ARHGEF3: variants seen among roughly 807,000 people sequenced by gnomAD.
The protein encoded by ARHGEF3 is 59.8 kDA protein.
ARHGEF3 carries 28 observed loss-of-function variants against 63.2 expected under a neutral mutation model. The observed-to-expected ratio is 0.44, with a 90% CI of 0.33 to 0.61. The LOEUF (loss-of-function observed/expected upper bound fraction) is 0.61. Among genes scored for constraint, ARHGEF3 ranks in the 20% least tolerant of loss-of-function variants. The pLI, the probability that ARHGEF3 is intolerant of heterozygous loss-of-function variation, is 0.03. For missense variants in ARHGEF3, 533 were observed against 659.3 expected, an observed-to-expected ratio of 0.81 and a Z score of 2.10; for synonymous variants, 266 against 254.2, an observed-to-expected ratio of 1.05 and a Z score of -0.44.
intron 1 of ARHGEF3, among the ~76,000 whole-genome samples, chr3:56,801,228 A>T (rs2107967348): frequency 6.6e-6 from 1 of 152,370 alleles, no homozygotes; most frequent in Non-Finnish European, 1.5e-5. Context: ...CTGCAAGGCC[A>T]AGTCTGACAG....
intron 1 of ARHGEF3, among the ~76,000 whole-genome samples, chr3:57,069,833 T>TA (rs1705786669): frequency 6.6e-6 from 1 of 152,130 alleles, no homozygotes; most frequent in African/African-American, 2.4e-5. Flanking sequence ...TTTATAGAAA[T>TA]AGAGTCTCGC....
chr3:57,070,059 C>T (rs1195793878), intron 1 of ARHGEF3, among the ~76,000 whole-genome samples: 3 of 152,226 alleles, frequency 2.0e-5, no homozygotes, highest in Non-Finnish European at 4.4e-5. Flanking sequence ...CAGCAGAACT[C>T]TTTCCTCAAA....
At chr3:57,074,267 A>C (rs930981742) in intron 1 of ARHGEF3, 6 of 1,605,188 alleles carry the variant, frequency 3.7e-6, no homozygotes, top group Non-Finnish European at 5.1e-6. Flanking sequence ...CACATCTGTA[A>C]TCAATAATAA....
intron 2 of ARHGEF3, among the ~76,000 whole-genome samples, chr3:57,012,405 C>A (rs1314155407): frequency 6.6e-6 from 1 of 152,072 alleles, no homozygotes; most frequent in Non-Finnish European, 1.5e-5. Flanking sequence ...ATTACTGGTG[C>A]CCGCCATGAC....
At chr3:56,788,270 T>C (rs1467752372) in intron 1 of ARHGEF3, among the ~76,000 whole-genome samples, 1 of 152,112 alleles carries the variant, frequency 6.6e-6, no homozygotes, top group African/African-American at 2.4e-5. Context: ...TCCCCCTCCA[T>C]AGTCTGCCAA....
At chr3:56,896,126 G>A (rs1038874673) in intron 3 of ARHGEF3, among the ~76,000 whole-genome samples, 2 of 152,130 alleles carry the variant, frequency 1.3e-5, no homozygotes, top group Non-Finnish European at 2.9e-5. Flanking sequence ...AGGGCAGAGT[G>A]TGCAGTTTAT....
chr3:56,944,934 T>C (rs34600743), intron 3 of ARHGEF3, among the ~76,000 whole-genome samples: 15,661 of 152,168 alleles, frequency 0.1, 1,107 homozygotes, highest in Non-Finnish European at 0.15. Context: ...GTGAACATTC[T>C]TGAAATGATA....
chr3:56,940,487 A>G (rs1237352709), intron 3 of ARHGEF3: 1 of 152,214 alleles, frequency 6.6e-6, no homozygotes, highest in East Asian at 1.9e-4. Flanking sequence ...ATGGCCAGAA[A>G]AAGAAACGGC....
chr3:57,040,015 C>A (rs1278935393), intron 1 of ARHGEF3, among the ~76,000 whole-genome samples: 1 of 152,112 alleles, frequency 6.6e-6, no homozygotes, highest in African/African-American at 2.4e-5. Flanking sequence ...TGGAAGCTAC[C>A]CAAATGCTTA....
chr3:57,051,925 T>C (rs1242583385), intron 1 of ARHGEF3, among the ~76,000 whole-genome samples: 1 of 151,980 alleles, frequency 6.6e-6, no homozygotes, highest in African/African-American at 2.4e-5. Flanking sequence ...ATCGTGCCAC[T>C]GCACTCTAGC....
chr3:57,022,187 T>C (rs1703287449), intron 2 of ARHGEF3, among the ~76,000 whole-genome samples: 2 of 152,094 alleles, frequency 1.3e-5, no homozygotes, highest in South Asian at 4.1e-4. Context: ...GTCAGGGGGA[T>C]TGCTTGAGCT....
chr3:56,734,864 T>G (rs2033490112), intron 8 of ARHGEF3, among the ~76,000 whole-genome samples: 1 of 152,192 alleles, frequency 6.6e-6, no homozygotes, highest in South Asian at 2.1e-4. Flanking sequence ...GGAAATAACG[T>G]GTTAAGAATT....
chr3:56,890,922 C>A (rs534286149), intron 3 of ARHGEF3, among the ~76,000 whole-genome samples: 1 of 152,298 alleles, frequency 6.6e-6, no homozygotes, highest in South Asian at 2.1e-4. Context: ...AGATCTCGAA[C>A]CTTTTTGATT....
chr3:56,907,279 C>A, intron 3 of ARHGEF3, among the ~76,000 whole-genome samples: 1 of 152,132 alleles, frequency 6.6e-6, no homozygotes, highest in East Asian at 1.9e-4. Flanking sequence ...CGGCGCCTGG[C>A]CAACATTCTA....
chr3:56,961,713 T>C (rs543883255), intron 2 of ARHGEF3, among the ~76,000 whole-genome samples: 1 of 152,014 alleles, frequency 6.6e-6, no homozygotes, highest in South Asian at 2.1e-4. Flanking sequence ...CCACCACCAT[T>C]CAGGCTTCCG....
chr3:56,750,479 C>T (rs886646669), intron 6 of ARHGEF3, among the ~76,000 whole-genome samples: 1 of 152,154 alleles, frequency 6.6e-6, no homozygotes, highest in Non-Finnish European at 1.5e-5. Flanking sequence ...AATTACTTAG[C>T]ATGGTATATA....
intron 7 of ARHGEF3, among the ~76,000 whole-genome samples, chr3:56,739,934 T>C: frequency 6.6e-6 from 1 of 150,696 alleles, no homozygotes; most frequent in East Asian, 2.0e-4. Context: ...AGTCTTGTTC[T>C]TGTCACCCAG....
rs1422020576 is a variant in ARHGEF3, at chr3:57,062,447, ACGG to A, written c.-28+16776_-28+16778del. Among the ~76,000 whole-genome samples the A allele has an allele frequency of 4.6e-5, 7 of 152,316 alleles. No individual in the cohort carries two copies. In the East Asian group the frequency reaches 1.3e-3, roughly 29 times the overall value. Reference sequence around the variant, plus strand: ...TCGGGCTCAGGCTAGGCTCAGGAGCACGGCGGCGGGGGCGGGGGGTGCTCAGGA... The same window carrying A: ...TCGGGCTCAGGCTAGGCTCAGGAGCACGGCGGGGGCGGGGGGTGCTCAGGA... On this transcript the variant is annotated intron_variant, in intron 1 of 12. Transcript: ENST00000338458.
intron 3 of ARHGEF3, among the ~76,000 whole-genome samples, chr3:56,886,148 T>C (rs892489272): frequency 6.6e-6 from 1 of 152,200 alleles, no homozygotes; most frequent in Non-Finnish European, 1.5e-5. Context: ...GGCAGACCCA[T>C]TTTAGAAAGA....
Sources: allele counts gnomAD v4.1 joint callset (sites outside exome capture counted in the v4.1 genomes callset), GRCh38; gene constraint gnomAD v4.1.1; transcripts MANE v1.5; gene names NCBI Gene and HGNC (gene_info 2026-07-23, HGNC 2026-07-21).